Variants in LRP1B observed in about 807,000 individuals in gnomAD.
The protein encoded by LRP1B is low-density lipoprotein receptor-related protein 1B.
A neutral mutation model predicts 556.6 loss-of-function variants in LRP1B; 217 were observed. The observed-to-expected ratio is 0.39, with a 90% confidence interval of 0.35 to 0.44. The LOEUF (loss-of-function observed/expected upper bound fraction) is 0.44, where lower values mean the gene tolerates loss of function less well. Ranked by LOEUF, LRP1B falls within the 20% of genes least tolerant of loss-of-function variation. LRP1B has a pLI of 1.00. For synonymous variants in LRP1B, 2,047 were observed against 1,865.8 expected (o/e 1.10, Z -2.50); for missense variants, 5,053 against 5,620.8 (o/e 0.90, Z 3.23).
At chr2:141,108,514 AAT>A (rs1022929696) in intron 7 of LRP1B, among the ~76,000 whole-genome samples, 27 of 151,758 alleles carry the variant, frequency 1.8e-4, no homozygotes, top group African/African-American at 6.3e-4. Flanking sequence ...ATGCCCAGCT[AAT>A]TTTTTGTATT....
intron 10 of LRP1B, among the ~76,000 whole-genome samples, chr2:141,051,807 C>A (rs1048642372): frequency 6.6e-6 from 1 of 151,804 alleles, no homozygotes; most frequent in Non-Finnish European, 1.5e-5. Context: ...TTTATTATAT[C>A]CTTGATATTC....
chr2:140,856,520 G>A (rs1272488696), intron 27 of LRP1B, among the ~76,000 whole-genome samples: 1 of 152,170 alleles, frequency 6.6e-6, no homozygotes, highest in South Asian at 2.1e-4. Flanking sequence ...CCAGATGGTA[G>A]ATATTTGGAC....
At chr2:140,321,557 AAGTTAGTGTTTGGCACAC>A in intron 82 of LRP1B, among the ~76,000 whole-genome samples, 1 of 152,220 alleles carries the variant, frequency 6.6e-6, no homozygotes, top group East Asian at 1.9e-4. Flanking sequence ...CTCAATTTCT[AAGTTAGTGTTTGGCACAC>A]AAGAGGTAAT....
intron 31 of LRP1B, among the ~76,000 whole-genome samples, chr2:140,817,033 G>A (rs1691148472): frequency 6.6e-6 from 1 of 152,078 alleles, no homozygotes; most frequent in Non-Finnish European, 1.5e-5. Context: ...AAACTACTCA[G>A]TGATGTCAGA....
At chr2:140,510,093 TG>T in intron 51 of LRP1B, 37 bp from the exon 52 acceptor site, 1 of 1,603,426 alleles carries the variant, frequency 6.2e-7, no homozygotes, top group Non-Finnish European at 8.5e-7. Flanking sequence ...AAGATTACTC[TG>T]TGTCCACTGG....
chr2:140,600,510 T>G (rs1682611145), intron 42 of LRP1B, among the ~76,000 whole-genome samples: 1 of 152,128 alleles, frequency 6.6e-6, no homozygotes, highest in African/African-American at 2.4e-5. Flanking sequence ...TGACAAGTGG[T>G]CTGGGTCAGT....
rs534963049 is a variant in LRP1B, at chr2:140,982,373, A to G, written c.2771-97T>C. 8 of 708,514 alleles carry G rather than the reference A, an allele frequency of 1.1e-5. No homozygotes were observed. The South Asian group carries it at 1.4e-4, about 13-fold the overall frequency. The allele number at this position is 708,514 out of a possible 1,614,324, so 43.9% of individuals were successfully genotyped here. On this transcript the variant is annotated intron_variant, in intron 17 of 90. Coordinates refer to ENST00000389484, the MANE Select transcript of LRP1B (RefSeq NM_018557.3). ...GCAATATTCCTTTCATACATAAGAT[A>G]GTATGTTTCTCTATTAAAATAAAAT...
At position 140,247,054 on chromosome 2, in the gene LRP1B, G is replaced by C. The variant is rs569037083; in HGVS notation, c.13324+32C>G. 7.4e-5 allele frequency: 110 copies of C among 1,492,828 alleles called. No homozygotes were observed. The South Asian group carries it at 1.2e-3, about 16-fold the overall frequency. The allele number at this position is 1,492,828 out of a possible 1,614,324, so 92.5% of individuals were successfully genotyped here. On this transcript the variant is annotated intron_variant, in intron 87 of 90. Coordinates refer to ENST00000389484, the MANE Select transcript of LRP1B (RefSeq NM_018557.3). ...ATAACAATGATTTATATACAGTGTA[G>C]ATTACCCAAAATATTAATCTGAGAA...
chr2:141,649,816 G>C (rs945943543), intron 2 of LRP1B, among the ~76,000 whole-genome samples: 1 of 152,132 alleles, frequency 6.6e-6, no homozygotes, highest in African/African-American at 2.4e-5. Flanking sequence ...CTGAATTGAA[G>C]AACAGTCCAA....
At chr2:141,253,246 G>A (rs2714168) in intron 4 of LRP1B, among the ~76,000 whole-genome samples, 20,301 of 152,032 alleles carry the variant, frequency 0.13, 1,388 homozygotes, top group South Asian at 0.22. Context: ...GGCATCTACC[G>A]TTGCCCTTAT....
chr2:140,345,781 T>C (rs909623027), intron 77 of LRP1B, among the ~76,000 whole-genome samples: 4 of 127,686 alleles, frequency 3.1e-5, no homozygotes, highest in African/African-American at 6.8e-5. Context: ...TATATATACA[T>C]ATATATACAC....
intron 43 of LRP1B, among the ~76,000 whole-genome samples, chr2:140,561,813 T>C (rs1680942195): frequency 6.6e-6 from 1 of 152,108 alleles, no homozygotes; most frequent in Non-Finnish European, 1.5e-5. Context: ...TATATCAATA[T>C]ATTTTATGAC....
At chr2:140,841,171 C>T in intron 29 of LRP1B, 79 bp from the exon 30 acceptor site, 1 of 895,406 alleles carries the variant, frequency 1.1e-6, no homozygotes, top group East Asian at 2.7e-5. Flanking sequence ...TATTTTCTAT[C>T]TAAGGGAAAA....
chr2:141,592,280 A>T (rs764531109), intron 2 of LRP1B, among the ~76,000 whole-genome samples: 8 of 152,178 alleles, frequency 5.3e-5, no homozygotes, highest in Non-Finnish European at 1.0e-4. Context: ...ACGTGACAGA[A>T]ATTTATTTCT....
At chr2:141,145,041 G>A (rs1401655079) in intron 7 of LRP1B, among the ~76,000 whole-genome samples, 2 of 152,142 alleles carry the variant, frequency 1.3e-5, no homozygotes, top group African/African-American at 4.8e-5. Flanking sequence ...GAGAACCCAA[G>A]CTCTTTTCTA....
At chr2:140,803,271 T>TTG (rs1690582062) in intron 32 of LRP1B, among the ~76,000 whole-genome samples, 1 of 131,980 alleles carries the variant, frequency 7.6e-6, no homozygotes, top group African/African-American at 3.1e-5. Flanking sequence ...TTTTTTTTTT[T>TTG]TTTTTTTTTT....
intron 3 of LRP1B, among the ~76,000 whole-genome samples, chr2:141,450,263 TAATAGTGAATAAGAGCACAGGTTCCA>T (rs1681367464): frequency 6.6e-6 from 1 of 152,186 alleles, no homozygotes; most frequent in South Asian, 2.1e-4. Flanking sequence ...ATATACAAGC[TAATAGTGAATAAGAGCACAGGTTCCA>T]GAGTCTGGCC....
chr2:140,623,494 T>C (rs1168120550), intron 41 of LRP1B, among the ~76,000 whole-genome samples: 2 of 152,050 alleles, frequency 1.3e-5, no homozygotes, highest in African/African-American at 4.8e-5. Context: ...TAACAATATA[T>C]CTAGTAACAA....
intron 59 of LRP1B, among the ~76,000 whole-genome samples, chr2:140,484,684 T>C (rs183038056): frequency 4.6e-5 from 7 of 152,266 alleles, no homozygotes; most frequent in Admixed American, 4.6e-4. Flanking sequence ...ATTATAATGG[T>C]CATAATCTAT....
Sources: allele counts gnomAD v4.1 joint callset (sites outside exome capture counted in the v4.1 genomes callset), GRCh38; gene constraint gnomAD v4.1.1; transcripts MANE v1.5; gene names NCBI Gene and HGNC (gene_info 2026-07-23, HGNC 2026-07-21).